DIP2C: variants seen among roughly 807,000 people sequenced by gnomAD.
DIP2C encodes disco-interacting protein 2 homolog C.
In DIP2C, 33 loss-of-function variants were observed where a neutral mutation model predicts 192.4. The ratio of observed to expected loss-of-function variants is 0.17; its 90% CI spans 0.13 to 0.23. The LOEUF (loss-of-function observed/expected upper bound fraction) is 0.23. Among genes scored for constraint, DIP2C ranks in the 10% least tolerant of loss-of-function variants. DIP2C has a pLI of 1.00. For missense variants in DIP2C, 1,537 were observed against 2,110.1 expected, an observed-to-expected ratio of 0.73 and a Z score of 5.32; for synonymous variants, 979 against 864.1, an observed-to-expected ratio of 1.13 and a Z score of -2.33.
chr10:327,882 A>C (rs532827794), intron 30 of DIP2C, among the ~76,000 whole-genome samples: 1 of 152,354 alleles, frequency 6.6e-6, no homozygotes, highest in Admixed American at 6.5e-5. Flanking sequence ...TCAGCCGAGC[A>C]CAACAGAAAA....
intron 30 of DIP2C, among the ~76,000 whole-genome samples, chr10:327,646 C>G (rs1031569590): frequency 1.3e-5 from 2 of 152,162 alleles, no homozygotes; most frequent in African/African-American, 4.8e-5. Context: ...ACCCTCCCAC[C>G]TTGTGGTCTC....
intron 2 of DIP2C, among the ~76,000 whole-genome samples, chr10:486,249 A>T (rs1397807610): frequency 6.6e-6 from 1 of 152,260 alleles, no homozygotes; most frequent in African/African-American, 2.4e-5. Flanking sequence ...GAAAACACCT[A>T]TTAGGCACAC....
intron 5 of DIP2C, among the ~76,000 whole-genome samples, chr10:421,561 C>T (rs1009168946): frequency 2.0e-5 from 3 of 152,136 alleles, no homozygotes; most frequent in Admixed American, 2.0e-4. Flanking sequence ...CATTGTTTAA[C>T]GTACTGTGAT....
intron 1 of DIP2C, among the ~76,000 whole-genome samples, chr10:523,459 CTGG>C (rs1171446254): frequency 4.6e-5 from 6 of 130,124 alleles, no homozygotes; most frequent in Non-Finnish European, 6.6e-5. Context: ...CTCGTTTCTA[CTGG>C]ATGCAAAGGA....
At chr10:414,725 G>A (rs12267745) in intron 7 of DIP2C, among the ~76,000 whole-genome samples, 73 of 69,722 alleles carry the variant, frequency 1.0e-3, no homozygotes, top group African/African-American at 3.9e-3. Flanking sequence ...GTGTGTGTGT[G>A]TGTGTGTGTG....
chr10:629,306 G>C (rs958597285), intron 1 of DIP2C, among the ~76,000 whole-genome samples: 4 of 152,082 alleles, frequency 2.6e-5, no homozygotes, highest in African/African-American at 9.7e-5. Flanking sequence ...GAGCCACACA[G>C]AACCAAGATC....
At chr10:518,968 A>G (rs1033951237) in intron 1 of DIP2C, among the ~76,000 whole-genome samples, 2 of 152,204 alleles carry the variant, frequency 1.3e-5, no homozygotes, top group African/African-American at 4.8e-5. Flanking sequence ...TCCCCATGCC[A>G]GCTCTGCATC....
chr10:288,595 C>T (rs958787734), intron 32 of DIP2C, among the ~76,000 whole-genome samples, 174 bp from the exon 33 acceptor site: 2 of 152,214 alleles, frequency 1.3e-5, no homozygotes, highest in African/African-American at 4.8e-5. Flanking sequence ...GGAAACTGAA[C>T]CCGAAGCGAG....
chr10:617,742 C>T (rs4472852), intron 1 of DIP2C, among the ~76,000 whole-genome samples: 23,631 of 150,870 alleles, frequency 0.16, 3,277 homozygotes, highest in African/African-American at 0.37. Flanking sequence ...CGCTCACCTG[C>T]TCCTTGTTGC....
At chr10:447,119 C>G (rs527483565) in intron 3 of DIP2C, among the ~76,000 whole-genome samples, 1 of 152,310 alleles carries the variant, frequency 6.6e-6, no homozygotes, top group African/African-American at 2.4e-5. Flanking sequence ...CATTCCCAGG[C>G]CAGAAACAAA....
chr10:292,159 C>G (rs1955524670), intron 32 of DIP2C, among the ~76,000 whole-genome samples: 1 of 152,236 alleles, frequency 6.6e-6, no homozygotes, highest in Non-Finnish European at 1.5e-5. Flanking sequence ...CTGTCAGCTC[C>G]AGATCCGGAA....
chr10:393,227 A>G (rs771951228), intron 10 of DIP2C, among the ~76,000 whole-genome samples: 19 of 152,242 alleles, frequency 1.2e-4, no homozygotes, highest in Non-Finnish European at 2.5e-4. Flanking sequence ...ATTCGAAGAC[A>G]CTTCTAGCGG....
chr10:318,875 A>G (rs1956884875), intron 31 of DIP2C, among the ~76,000 whole-genome samples: 1 of 151,526 alleles, frequency 6.6e-6, no homozygotes, highest in African/African-American at 2.4e-5. Flanking sequence ...TTGAGAATTA[A>G]GATTTACATC....
At chr10:587,387 C>A (rs1015572508) in intron 1 of DIP2C, among the ~76,000 whole-genome samples, 4 of 152,224 alleles carry the variant, frequency 2.6e-5, no homozygotes, top group Non-Finnish European at 1.5e-5. Flanking sequence ...GACGGGATCA[C>A]ACACAGGAAC....
At chr10:283,761 C>T (rs542572890) in intron 34 of DIP2C, among the ~76,000 whole-genome samples, 35 of 152,260 alleles carry the variant, frequency 2.3e-4, no homozygotes, top group South Asian at 1.0e-3. Context: ...AACAAAGTCA[C>T]ACTAGATTCC....
chr10:566,053 A>AC (rs1013669139), intron 1 of DIP2C, among the ~76,000 whole-genome samples: 1 of 152,254 alleles, frequency 6.6e-6, no homozygotes, highest in Non-Finnish European at 1.5e-5. Flanking sequence ...ACTCACCAGA[A>AC]AAAACAAAAC....
At chr10:311,366 C>T (rs533935439) in intron 31 of DIP2C, among the ~76,000 whole-genome samples, 3 of 152,382 alleles carry the variant, frequency 2.0e-5, no homozygotes, top group East Asian at 1.9e-4. Flanking sequence ...GTCGGCTACG[C>T]GTGAGGCCTG....
intron 9 of DIP2C, among the ~76,000 whole-genome samples, chr10:407,261 G>A (rs767976259): frequency 1.3e-5 from 2 of 152,168 alleles, no homozygotes; most frequent in African/African-American, 4.8e-5. Flanking sequence ...ACTTTACTAG[G>A]CATAGTATCT....
At chr10:503,894 C>T (rs1236862866) in intron 1 of DIP2C, among the ~76,000 whole-genome samples, 1 of 152,182 alleles carries the variant, frequency 6.6e-6, no homozygotes, top group African/African-American at 2.4e-5. Context: ...GTGACTTACC[C>T]TAAATTTACA....
Sources: allele counts gnomAD v4.1 joint callset (sites outside exome capture counted in the v4.1 genomes callset), GRCh38; gene constraint gnomAD v4.1.1; transcripts MANE v1.5; gene names NCBI Gene and HGNC (gene_info 2026-07-23, HGNC 2026-07-21).